The following CDK13 variants were observed in gnomAD, a reference collection of about 807,000 sequenced individuals.
CDK13 encodes the protein cyclin dependent kinase 13, also known as cyclin-dependent kinase 13.
Under a neutral mutation model 137.6 loss-of-function variants are expected in CDK13, and 40 were observed. The observed-to-expected ratio is 0.29, with a 90% CI of 0.23 to 0.38. The LOEUF is 0.38. Among genes scored for constraint, CDK13 ranks in the 10% least tolerant of loss-of-function variants. The probability of loss-of-function intolerance (pLI) is 1.00; values close to 1 mark genes in which losing one functional copy is unlikely to be tolerated. For synonymous variants in CDK13, 869 were observed against 760.1 expected (o/e 1.14, Z -2.36); for missense variants, 1,704 against 1,951.8 (o/e 0.87, Z 2.39).
chr7:40,089,719 AGAGAGT>A (rs1209246200), intron 12 of CDK13, among the ~76,000 whole-genome samples: 7,305 of 143,050 alleles, frequency 0.051, 600 homozygotes, highest in African/African-American at 0.19. Flanking sequence ...AGAGAGAGAG[AGAGAGT>A]GTGTGTGTGT....
intron 5 of CDK13, among the ~76,000 whole-genome samples, chr7:40,005,074 T>C (rs970134547): frequency 1.3e-5 from 2 of 151,430 alleles, no homozygotes; most frequent in African/African-American, 4.8e-5. Flanking sequence ...CTCAGGAGGC[T>C]GAAGCAGGAG....
intron 1 of CDK13, among the ~76,000 whole-genome samples, chr7:39,974,967 T>G (rs1223766379): frequency 2.0e-5 from 3 of 152,214 alleles, no homozygotes; most frequent in Non-Finnish European, 4.4e-5. Context: ...TTGTTCCTCA[T>G]TTAGTCTTTA....
intron 4 of CDK13, among the ~76,000 whole-genome samples, chr7:40,000,340 T>C (rs1281569476): frequency 6.6e-6 from 1 of 152,026 alleles, no homozygotes; most frequent in Non-Finnish European, 1.5e-5. Flanking sequence ...CACTCCAGCC[T>C]GAGCGACAGA....
chr7:39,975,325 C>A (rs550574717), intron 1 of CDK13, among the ~76,000 whole-genome samples: 1 of 152,056 alleles, frequency 6.6e-6, no homozygotes. Flanking sequence ...GCAGGAGAAT[C>A]GCTTTGAGCC....
chr7:39,997,430 A>T, intron 2 of CDK13, 64 bp from the exon 3 acceptor site: 1 of 1,199,196 alleles, frequency 8.3e-7, no homozygotes, highest in Non-Finnish European at 1.2e-6. Context: ...AATGTAAGTC[A>T]TAAGCATATT....
At chr7:40,038,919 G>A (rs1235194703) in intron 5 of CDK13, among the ~76,000 whole-genome samples, 2 of 152,024 alleles carry the variant, frequency 1.3e-5, no homozygotes, top group East Asian at 3.9e-4. Flanking sequence ...GGTCTCGATC[G>A]CCCGACCTCA....
At chr7:39,964,587 A>ATT (rs370233058) in intron 1 of CDK13, among the ~76,000 whole-genome samples, 202 of 142,100 alleles carry the variant, frequency 1.4e-3, no homozygotes, top group South Asian at 7.8e-3. Context: ...GGATTCATTG[A>ATT]TTTTTTTTTT....
rs534650039 is a variant in CDK13 at position 40,094,146 on chromosome 7, C to G, written c.3705C>G (p.Ile1235Met). 6.2e-7 allele frequency: 1 copy of G among 1,613,882 alleles called. No individual in the cohort carries two copies. Among genetic ancestry groups the G allele is most frequent in the East Asian group, 2.2e-5 (1 of 44,870 alleles). ...STPVSGQDDL[I>M]QHQDMRILEL... ...TTCACTTAGGACAAGATGACCTCAT[C>G]CAGCATCAAGATATGAGGATCTTGG... The change falls in exon 14 of 14, where the codon ATC becomes ATG. Residue 1235 changes from isoleucine to methionine, a missense_variant. By Grantham distance (10) the Ile-to-Met change is conservative. Transcript: ENST00000181839.
intron 7 of CDK13, chr7:40,049,241 A>G (rs1371035544): frequency 1.3e-5 from 2 of 150,622 alleles, no homozygotes; most frequent in East Asian, 1.9e-4. Flanking sequence ...GAAGGAAGGA[A>G]AGAGAGACAG....
chr7:39,961,844 T>C (rs1232757578), intron 1 of CDK13, among the ~76,000 whole-genome samples: 2 of 152,050 alleles, frequency 1.3e-5, no homozygotes, highest in East Asian at 3.9e-4. Flanking sequence ...TGTCCATGTG[T>C]TCTCATTGTT....
At chr7:40,049,086 T>G (rs924537551) in intron 7 of CDK13, 4 of 143,072 alleles carry the variant, frequency 2.8e-5, no homozygotes, top group African/African-American at 1.1e-4. Flanking sequence ...TCCCAGCTAC[T>G]TGGGAGGCTG....
chr7:39,999,785 T>C (rs906131275), intron 4 of CDK13, among the ~76,000 whole-genome samples: 22 of 152,354 alleles, frequency 1.4e-4, no homozygotes, highest in African/African-American at 3.4e-4. Context: ...ATAATTCTTA[T>C]ACTGTTATTA....
At chr7:39,981,235 G>T (rs1365647744) in intron 1 of CDK13, among the ~76,000 whole-genome samples, 1 of 151,994 alleles carries the variant, frequency 6.6e-6, no homozygotes, top group African/African-American at 2.4e-5. Context: ...GAGTGTGGTG[G>T]TGCGCGCCTG....
intron 1 of CDK13, among the ~76,000 whole-genome samples, chr7:39,960,696 T>G (rs917736596): frequency 3.3e-5 from 5 of 152,122 alleles, no homozygotes; most frequent in Admixed American, 6.5e-5. Context: ...AGCTTTAGCC[T>G]CCTGAGTAGC....
At chr7:39,983,851 C>T (rs930600122) in intron 1 of CDK13, among the ~76,000 whole-genome samples, 2 of 151,988 alleles carry the variant, frequency 1.3e-5, no homozygotes, top group Non-Finnish European at 2.9e-5. Flanking sequence ...TATTTCACAA[C>T]CAGCTTACAA....
At chr7:39,973,028 C>G (rs1583927405) in intron 1 of CDK13, among the ~76,000 whole-genome samples, 1 of 152,140 alleles carries the variant, frequency 6.6e-6, no homozygotes, top group East Asian at 1.9e-4. Flanking sequence ...ATTTGCATTT[C>G]TCTAATGACA....
At chr7:40,038,277 A>G (rs1335767739) in intron 5 of CDK13, among the ~76,000 whole-genome samples, 1 of 152,144 alleles carries the variant, frequency 6.6e-6, no homozygotes, top group African/African-American at 2.4e-5. Flanking sequence ...TATATGCTGA[A>G]GTTTACTCCA....
chr7:40,073,700 T>A (rs542300266), intron 9 of CDK13: 2 of 150,642 alleles, frequency 1.3e-5, no homozygotes, highest in East Asian at 3.9e-4. Flanking sequence ...CAAGTGAGTC[T>A]CCTGCCTCAG....
intron 5 of CDK13, among the ~76,000 whole-genome samples, chr7:40,043,471 G>A (rs1407668904): frequency 4.6e-5 from 7 of 152,160 alleles, no homozygotes; most frequent in South Asian, 2.1e-4. Flanking sequence ...AAGTCTCCTC[G>A]CTCCTGGTGA....
Sources: allele counts gnomAD v4.1 joint callset (sites outside exome capture counted in the v4.1 genomes callset), GRCh38; gene constraint gnomAD v4.1.1; transcripts MANE v1.5; gene names NCBI Gene and HGNC (gene_info 2026-07-23, HGNC 2026-07-21).